SEMA4D: variants seen among roughly 807,000 people sequenced by gnomAD.
SEMA4D encodes the protein semaphorin-4D.
Under a neutral mutation model 74.8 loss-of-function variants are expected in SEMA4D, and 22 were observed. The observed-to-expected ratio is 0.29, with a 90% CI of 0.21 to 0.42. SEMA4D has a LOEUF of 0.42. Among genes scored for constraint, SEMA4D ranks in the 10% least tolerant of loss-of-function variants. The pLI is 1.00. For missense variants in SEMA4D, 937 were observed against 1,118.4 expected, an observed-to-expected ratio of 0.84 and a Z score of 2.31; for synonymous variants, 445 against 463.7, an observed-to-expected ratio of 0.96 and a Z score of 0.52.
At chr9:89,467,531 A>AT (rs35017295) in intron 1 of SEMA4D, among the ~76,000 whole-genome samples, 22,493 of 128,268 alleles carry the variant, frequency 0.18, 2,180 homozygotes, top group East Asian at 0.29. Flanking sequence ...GGAGCGCATG[A>AT]TTTTTTTTTT....
chr9:89,382,904 T>TG lies in SEMA4D; in HGVS notation c.1447-1559dup, dbSNP rs1425276908. ...TAGCTGTGGAGGGTGGGGTGGGCTCTGGGGGGCAAGGCCTGTCCCAAGGGG... is the reference window on the plus strand; with the variant it reads ...TAGCTGTGGAGGGTGGGGTGGGCTCTGGGGGGGCAAGGCCTGTCCCAAGGGG... On this transcript the variant is annotated intron_variant, in intron 13 of 15. Coordinates refer to ENST00000422704, the MANE Select transcript of SEMA4D (RefSeq NM_001371194.2). Among the ~76,000 whole-genome samples, 134 of 151,490 alleles carry TG rather than the reference T, an allele frequency of 8.8e-4. 1 individual carries two copies. The highest frequency in any genetic ancestry group is 7.5e-4 in the Non-Finnish European group (51 of 67,846).
Position 89,379,406 on chromosome 9 carries a change from C to A in SEMA4D, c.1887G>T (p.Arg629Ser), listed in dbSNP as rs1268229863. Residue 629 changes from arginine to serine, a missense_variant, in exon 16 of 16, where the codon AGG becomes AGT. Coordinates refer to ENST00000422704, the MANE Select transcript of SEMA4D (RefSeq NM_001371194.2). ...SGVYQCLSEE[R>S]VKNKTVFQVV... ...CTTGGAAGACCGTTTTGTTCTTAAC[C>A]CTCTCCTCTGACAGGCACTGGTACA... The A allele has an allele frequency of 3.1e-6, 5 of 1,614,136 alleles. No homozygotes were observed. Among genetic ancestry groups the A allele is most frequent in the Non-Finnish European group, 4.2e-6 (5 of 1,180,020 alleles).
chr9:89,494,936 T>C (rs528400755), intron 1 of SEMA4D, among the ~76,000 whole-genome samples: 2 of 152,310 alleles, frequency 1.3e-5, no homozygotes, highest in South Asian at 4.1e-4. Context: ...ACTCCACAAA[T>C]GTCCATGAGA....
chr9:89,361,991 G>A (rs1026572635), exon 19 of SEMA4D: 6 of 288,354 alleles, frequency 2.1e-5, no homozygotes, highest in Admixed American at 4.4e-5. Flanking sequence ...TTAGGGGGTG[G>A]GGGCACTCTG....
At chr9:89,366,758 T>C (rs1403340991) in intron 16 of SEMA4D, among the ~76,000 whole-genome samples, 3 of 152,222 alleles carry the variant, frequency 2.0e-5, no homozygotes, top group African/African-American at 4.8e-5. Flanking sequence ...TGAGCTGTTA[T>C]GATCAAGTAA....
intron 5 of SEMA4D, among the ~76,000 whole-genome samples, chr9:89,397,447 A>G (rs1478581533): frequency 1.3e-5 from 2 of 152,142 alleles, no homozygotes; most frequent in African/African-American, 2.4e-5. Context: ...TCCAGCCCCC[A>G]TGGGAGTGGC....
exon 19 of SEMA4D, chr9:89,362,257 G>A: frequency 7.2e-7 from 1 of 1,390,554 alleles, no homozygotes; most frequent in South Asian, 1.2e-5. Context: ...CCATCAGGTG[G>A]TGGCCCAATG....
At chr9:89,479,106 T>C (rs1261181686) in intron 1 of SEMA4D, among the ~76,000 whole-genome samples, 1 of 152,168 alleles carries the variant, frequency 6.6e-6, no homozygotes, top group Non-Finnish European at 1.5e-5. Flanking sequence ...CCTGTGGAGC[T>C]TGGGTTTCCT....
At chr9:89,493,260 A>C (rs1825763778) in intron 1 of SEMA4D, among the ~76,000 whole-genome samples, 1 of 152,204 alleles carries the variant, frequency 6.6e-6, no homozygotes, top group Non-Finnish European at 1.5e-5. Context: ...ATACAGGATA[A>C]GTGTGATCCA....
Position 89,405,395 on chromosome 9 carries a change from G to A in SEMA4D, c.62C>T (p.Ala21Val), listed in dbSNP as rs552738329. 1.7e-4 allele frequency: 279 copies of A among 1,614,096 alleles called. No homozygotes were observed. The highest frequency in any genetic ancestry group is 5.1e-4 in the South Asian group (46 of 91,088). Reference protein sequence around the residue: ...LMALAVMFGTAMAFAPIPRIT... With the variant: ...LMALAVMFGTVMAFAPIPRIT... ...CCGGGGTATGGGTGCAAATGCCATC[G>A]CTGTCCCAAACATCACTGCAAGGGC... is the stretch of plus-strand genomic sequence containing the variant. The change falls in exon 3 of 16, where the codon GCG (alanine) becomes GTG (valine). Residue 21 changes from alanine to valine, a missense_variant. Ala to Val is a moderately conservative substitution (Grantham distance 64). Coordinates refer to ENST00000422704, the MANE Select transcript of SEMA4D (RefSeq NM_001371194.2).
downstream of SEMA4D, among the ~76,000 whole-genome samples, chr9:89,376,046 C>T (rs1170658587): frequency 2.0e-5 from 3 of 152,162 alleles, no homozygotes; most frequent in Admixed American, 6.5e-5. Flanking sequence ...CTATGTTGCT[C>T]AAGCTGCTGT....
At position 89,379,145 on chromosome 9, in the gene SEMA4D, C is replaced by T. The variant is rs762076706; in HGVS notation, c.2148G>A (p.Thr716=). 8 of 1,613,988 alleles carry T rather than the reference C, an allele frequency of 5.0e-6. No homozygotes were observed. The highest frequency in any genetic ancestry group is 2.2e-5 in the South Asian group (2 of 91,060). ...TSCEPKIVIN[T]VPQLHSEKTM... is the part of the protein sequence containing the mutation. ...TTTTCTCCGAGTGGAGCTGGGGGAC[C>T]GTGTTGATGACGATCTTTGGTTCGC... Residue 716 remains threonine, a synonymous_variant, in exon 16 of 16, where the codon ACG becomes ACA. Transcript: ENST00000422704.
At chr9:89,488,716 T>C (rs907093154) in intron 1 of SEMA4D, among the ~76,000 whole-genome samples, 10 of 152,190 alleles carry the variant, frequency 6.6e-5, no homozygotes, top group Admixed American at 5.2e-4. Context: ...AATTACCACA[T>C]TTTCAGAAGA....
chr9:89,462,224 G>A (rs1189095416), intron 1 of SEMA4D, among the ~76,000 whole-genome samples: 3 of 152,168 alleles, frequency 2.0e-5, no homozygotes, highest in African/African-American at 7.2e-5. Context: ...TGGTGTGAGT[G>A]CACTGCAAAT....
chr9:89,380,917 C>T, intron 15 of SEMA4D, 138 bp downstream of exon 15: 1 of 1,034,050 alleles, frequency 9.7e-7, no homozygotes, highest in South Asian at 1.4e-5. Context: ...CACGAGTCTG[C>T]TACAGAACAC....
chr9:89,400,929 A>C (rs1231847862), intron 4 of SEMA4D, among the ~76,000 whole-genome samples: 1 of 152,208 alleles, frequency 6.6e-6, no homozygotes. Context: ...CCCAAGACCG[A>C]GTGTGAGCCT....
chr9:89,428,423 C>A (rs894870350), intron 2 of SEMA4D, among the ~76,000 whole-genome samples: 7 of 152,244 alleles, frequency 4.6e-5, no homozygotes, highest in African/African-American at 1.7e-4. Context: ...CCCCAGCCAC[C>A]AGAGAGGGTG....
chr9:89,485,153 C>T (rs765740168), intron 1 of SEMA4D, among the ~76,000 whole-genome samples: 3 of 152,172 alleles, frequency 2.0e-5, no homozygotes, highest in African/African-American at 4.8e-5. Flanking sequence ...ACATCTGACT[C>T]GCATTTTGGA....
At chr9:89,395,306 T>TC (rs1356811061) in intron 6 of SEMA4D, among the ~76,000 whole-genome samples, 4 of 151,496 alleles carry the variant, frequency 2.6e-5, no homozygotes, top group African/African-American at 9.7e-5. Context: ...ATGCCTGTAA[T>TC]CCAGCTACTC....
Sources: gnomAD v4.1 joint callset for allele counts (sites outside exome capture counted in the v4.1 genomes callset) on GRCh38, gnomAD v4.1.1 for gene constraint, MANE v1.5 for transcripts, NCBI Gene and HGNC (gene_info 2026-07-23, HGNC 2026-07-21) for gene names.